The following SCLT1 variants were observed in gnomAD, a reference collection of about 807,000 sequenced individuals.
SCLT1 encodes sodium channel and clathrin linker 1.
A neutral mutation model predicts 112.8 loss-of-function variants in SCLT1; 78 were observed. The ratio of observed to expected loss-of-function variants is 0.69; its 90% CI spans 0.58 to 0.83. SCLT1 has a LOEUF of 0.83. Ranked by LOEUF, SCLT1 falls within the 40% of genes least tolerant of loss-of-function variation. The pLI is 0.00. For missense variants in SCLT1, 747 were observed against 770.4 expected (o/e 0.97, Z 0.36); for synonymous variants, 257 against 254.7 (o/e 1.01, Z -0.09).
At chr4:128,874,585 G>A (rs917617860) in intron 4 of SCLT1, 1 of 152,512 alleles carries the variant, frequency 6.6e-6, no homozygotes, top group Non-Finnish European at 1.5e-5. Flanking sequence ...AAATGCAAAT[G>A]GATAGAGCAC....
intron 2 of SCLT1, among the ~76,000 whole-genome samples, chr4:129,049,497 G>T (rs1748545767): frequency 9.7e-6 from 1 of 102,584 alleles, no homozygotes; most frequent in African/African-American, 3.7e-5. Context: ...GGGGAGGGGG[G>T]AGGGATAGCA....
intron 18 of SCLT1, among the ~76,000 whole-genome samples, chr4:128,926,842 T>C (rs1468509571): frequency 6.6e-6 from 1 of 152,042 alleles, no homozygotes; most frequent in Non-Finnish European, 1.5e-5. Flanking sequence ...TGCTAATATG[T>C]TTCAAGGTTC....
chr4:129,035,172 C>T (rs1747073036), intron 5 of SCLT1, among the ~76,000 whole-genome samples: 10 of 152,082 alleles, frequency 6.6e-5, no homozygotes, highest in Admixed American at 6.6e-4. Flanking sequence ...AAGGACTTTG[C>T]AAAGGTTTCC....
At chr4:129,060,892 G>A (rs1749905333) in intron 2 of SCLT1, among the ~76,000 whole-genome samples, 1 of 152,046 alleles carries the variant, frequency 6.6e-6, no homozygotes, top group African/African-American at 2.4e-5. Flanking sequence ...GGGGGTTCAG[G>A]TTTACTCTTT....
intron 5 of SCLT1, among the ~76,000 whole-genome samples, chr4:129,033,471 A>G (rs1296804029): frequency 1.5e-5 from 2 of 136,452 alleles, no homozygotes; most frequent in African/African-American, 5.4e-5. Flanking sequence ...ACAAACCTGC[A>G]TGTTCTGCCC....
chr4:129,083,824 G>T (rs1321654560), intron 1 of SCLT1, among the ~76,000 whole-genome samples: 1 of 152,152 alleles, frequency 6.6e-6, no homozygotes. Context: ...AGTTACAAAT[G>T]CATTCCAAGA....
At chr4:128,969,147 C>T (rs1740455452) in intron 10 of SCLT1, among the ~76,000 whole-genome samples, 1 of 152,150 alleles carries the variant, frequency 6.6e-6, no homozygotes, top group Non-Finnish European at 1.5e-5. Context: ...TCACTGGCCT[C>T]TCTGGGGTCC....
chr4:128,891,024 G>C lies in SCLT1; in HGVS notation c.1908+35C>G, dbSNP rs1244622054. The C allele has an allele frequency of 4.1e-6, 6 of 1,453,496 alleles. No individual in the cohort carries two copies. In the South Asian group the frequency reaches 6.9e-5, roughly 17 times the overall value. 90.0% of individuals were successfully genotyped at this position (1,453,496 alleles called of 1,614,324 possible). A position where few individuals can be genotyped will look rare whatever the true frequency, so the allele number is the denominator to read the frequency against. On this transcript the variant is annotated intron_variant, in intron 19 of 20. Transcript: ENST00000281142. ...TCTATAACATGTGTATCATGCTGCA[G>C]CAGAAAGCACTTCCCAGGGGAGTCA...
intron 17 of SCLT1, among the ~76,000 whole-genome samples, chr4:128,939,159 C>T (rs950734727): frequency 3.9e-5 from 6 of 152,180 alleles, no homozygotes; most frequent in African/African-American, 1.4e-4. Flanking sequence ...CTTACTTTTA[C>T]AAGCTTGTGT....
chr4:128,970,216 T>G lies in SCLT1; in HGVS notation c.777+162A>C, dbSNP rs998929101. ...AATAAAAAATTCTTTATAAAGTTGTTTTCAATAATATAGTTTAGCTTCCTA... is the reference window on the plus strand; with the variant it reads ...AATAAAAAATTCTTTATAAAGTTGTGTTCAATAATATAGTTTAGCTTCCTA... On this transcript the variant is annotated intron_variant, in intron 10 of 20. Transcript: ENST00000281142. Among the ~76,000 whole-genome samples the G allele has an allele frequency of 3.3e-5, 5 of 152,268 alleles. No individual in the cohort carries two copies. The South Asian group carries it at 8.3e-4, about 25-fold the overall frequency.
chr4:129,056,492 T>C (rs1749406225), intron 2 of SCLT1, among the ~76,000 whole-genome samples: 1 of 152,288 alleles, frequency 6.6e-6, no homozygotes, highest in Non-Finnish European at 1.5e-5. Context: ...GTATTTCTAT[T>C]TGGATCATTT....
At chr4:128,891,643 CTTTTT>C (rs5861870) in intron 18 of SCLT1, among the ~76,000 whole-genome samples, 1 of 119,520 alleles carries the variant, frequency 8.4e-6, no homozygotes. Context: ...CTATAATATG[CTTTTT>C]TTTTTTTTTT....
chr4:129,023,962 T>C (rs570281063), intron 5 of SCLT1, among the ~76,000 whole-genome samples: 2 of 152,282 alleles, frequency 1.3e-5, no homozygotes, highest in South Asian at 2.1e-4. Flanking sequence ...GAGATCAAAC[T>C]GCAAGGCGGC....
chr4:129,044,475 C>T (rs2125700509), intron 2 of SCLT1, among the ~76,000 whole-genome samples: 1 of 151,536 alleles, frequency 6.6e-6, no homozygotes, highest in Admixed American at 6.6e-5. Flanking sequence ...AAAAAAAAAT[C>T]AGTAGCTTTT....
At chr4:129,026,087 A>G (rs1241842405) in intron 5 of SCLT1, among the ~76,000 whole-genome samples, 3 of 152,218 alleles carry the variant, frequency 2.0e-5, no homozygotes, top group Non-Finnish European at 4.4e-5. Flanking sequence ...TTAGACTCCA[A>G]CACAATAATA....
chr4:128,958,676 C>T (rs544405069), intron 12 of SCLT1, among the ~76,000 whole-genome samples: 7 of 152,134 alleles, frequency 4.6e-5, no homozygotes, highest in African/African-American at 9.6e-5. Context: ...TTTAGGTATT[C>T]GACACAATTC....
Position 129,043,925 on chromosome 4 carries a change from G to A in SCLT1, c.161+68C>T, listed in dbSNP as rs567392534. 3.1e-5 allele frequency: 25 copies of A among 799,756 alleles called. 1 individual carries two copies. The highest frequency in any genetic ancestry group is 5.6e-4 in the Middle Eastern group (2 of 3,588). The allele number at this position is 799,756 out of a possible 1,614,324, so 49.5% of individuals were successfully genotyped here. A position where few individuals can be genotyped will look rare whatever the true frequency, so the allele number is the denominator to read the frequency against. On this transcript the variant is annotated intron_variant, in intron 3 of 20. Coordinates refer to ENST00000281142, the MANE Select transcript of SCLT1 (RefSeq NM_144643.4). ...AGCAGACCATAAAACAAACATTCCT[G>A]ATACTGAATTATGCTAATAATAATT...
At chr4:129,083,132 A>G (rs1752088327) in intron 1 of SCLT1, among the ~76,000 whole-genome samples, 1 of 142,826 alleles carries the variant, frequency 7.0e-6, no homozygotes, top group African/African-American at 2.5e-5. Flanking sequence ...CAGAAGTTGC[A>G]GTGAGCCAAG....
chr4:129,083,183 T>A (rs1458765125), intron 1 of SCLT1, among the ~76,000 whole-genome samples: 3 of 56,176 alleles, frequency 5.3e-5, no homozygotes, highest in African/African-American at 1.3e-4. Flanking sequence ...AGAGTGAGAC[T>A]CTGAAAAAAA....
Sources: gnomAD v4.1 joint callset for allele counts (sites outside exome capture counted in the v4.1 genomes callset) on GRCh38, gnomAD v4.1.1 for gene constraint, MANE v1.5 for transcripts, NCBI Gene and HGNC (gene_info 2026-07-23, HGNC 2026-07-21) for gene names.